Variants in VPS41 observed in about 807,000 individuals in gnomAD.
VPS41 encodes vacuolar protein sorting-associated protein 41 homolog.
VPS41 carries 85 observed loss-of-function variants against 130.9 expected under a neutral mutation model. The observed-to-expected ratio is 0.65, with a 90% CI of 0.55 to 0.78. The LOEUF (loss-of-function observed/expected upper bound fraction) is 0.78. Among genes scored for constraint, VPS41 ranks in the 30% least tolerant of loss-of-function variants. The pLI is 0.00. For missense variants in VPS41, 874 were observed against 1,018.7 expected (o/e 0.86, Z 1.93); for synonymous variants, 335 against 332.9 (o/e 1.01, Z -0.07).
intron 17 of VPS41, among the ~76,000 whole-genome samples, chr7:38,760,235 T>A (rs1783883744): frequency 6.6e-6 from 1 of 152,192 alleles, no homozygotes; most frequent in Non-Finnish European, 1.5e-5. Context: ...AACATGTTCA[T>A]AAGACAGTAA....
At chr7:38,845,079 G>A (rs1785695144) in intron 4 of VPS41, among the ~76,000 whole-genome samples, 2 of 152,258 alleles carry the variant, frequency 1.3e-5, no homozygotes, top group Non-Finnish European at 2.9e-5. Flanking sequence ...CTCCTAAGAG[G>A]CTGGCATACT....
At chr7:38,760,079 G>C (rs1423299931) in intron 17 of VPS41, among the ~76,000 whole-genome samples, 1 of 152,080 alleles carries the variant, frequency 6.6e-6, no homozygotes, top group Non-Finnish European at 1.5e-5. Context: ...TCCCCGATTT[G>C]ATCCTGTTTC....
intron 1 of VPS41, among the ~76,000 whole-genome samples, chr7:38,900,553 A>C (rs1361161387): frequency 6.6e-6 from 1 of 152,178 alleles, no homozygotes; most frequent in Non-Finnish European, 1.5e-5. Context: ...AAAAAGAAAA[A>C]ACAGAAGTCT....
chr7:38,836,852 A>G (rs372367940), intron 4 of VPS41, among the ~76,000 whole-genome samples: 2 of 152,222 alleles, frequency 1.3e-5, no homozygotes, highest in Non-Finnish European at 2.9e-5. Context: ...TACACTGCTG[A>G]TAATTCAAAT....
At chr7:38,814,370 GGCCGGGC>G in intron 7 of VPS41, among the ~76,000 whole-genome samples, 1 of 152,198 alleles carries the variant, frequency 6.6e-6, no homozygotes, top group Non-Finnish European at 1.5e-5. Context: ...AAAGAACACA[GGCCGGGC>G]GTGGTGGCTC....
intron 1 of VPS41, among the ~76,000 whole-genome samples, chr7:38,908,568 T>C (rs1435880039): frequency 6.6e-6 from 1 of 152,154 alleles, no homozygotes; most frequent in Non-Finnish European, 1.5e-5. Context: ...GGCCTTATTA[T>C]TACCCCCATC....
intron 10 of VPS41, among the ~76,000 whole-genome samples, chr7:38,783,033 G>A (rs554639318): frequency 5.3e-5 from 8 of 151,722 alleles, no homozygotes; most frequent in South Asian, 2.1e-4. Context: ...CAGGAGAATC[G>A]CTTGAACCCG....
At chr7:38,868,095 T>G (rs6943746) in intron 3 of VPS41, among the ~76,000 whole-genome samples, 42,775 of 151,980 alleles carry the variant, frequency 0.28, 6,943 homozygotes, top group Non-Finnish European at 0.38. Context: ...GCTGACACCA[T>G]CCAAAGTGTG....
chr7:38,789,867 C>A lies in VPS41; in HGVS notation c.718G>T (p.Val240Leu). ...GCATGCCGTTCCTTCACTGAGCACA[C>A]CTGGAAAATAAGTTCGCAGGTTATT... is the stretch of plus-strand genomic sequence containing the variant. Reference protein sequence around the residue: ...LIIGWGTSVKVCSVKERHASE... With the variant: ...LIIGWGTSVKLCSVKERHASE... Residue 240 changes from valine to leucine, a missense_variant and splice_region_variant, in exon 10 of 29, where the codon GTG becomes TTG. Coordinates refer to ENST00000310301, the MANE Select transcript of VPS41 (RefSeq NM_014396.4). 1 of 1,613,594 alleles carries A rather than the reference C, an allele frequency of 6.2e-7. No homozygotes were observed. The highest frequency in any genetic ancestry group is 8.5e-7 in the Non-Finnish European group (1 of 1,179,662).
chr7:38,872,355 A>G (rs776045878), intron 2 of VPS41, among the ~76,000 whole-genome samples: 2 of 152,210 alleles, frequency 1.3e-5, no homozygotes, highest in Non-Finnish European at 2.9e-5. Context: ...TGTCATTTCT[A>G]CAATATCCTT....
intron 8 of VPS41, chr7:38,796,510 G>A (rs769686391): frequency 6.8e-5 from 43 of 631,640 alleles, no homozygotes; most frequent in South Asian, 6.0e-4. Context: ...TACTCTCCAT[G>A]CCTCAGGTTT....
intron 7 of VPS41, among the ~76,000 whole-genome samples, chr7:38,816,732 T>C (rs764700512): frequency 3.9e-5 from 6 of 152,164 alleles, no homozygotes; most frequent in Non-Finnish European, 8.8e-5. Context: ...ATATGAAAGT[T>C]TTTCTCTCTT....
At chr7:38,763,994 T>A (rs1026950667) in intron 16 of VPS41, among the ~76,000 whole-genome samples, 3 of 152,206 alleles carry the variant, frequency 2.0e-5, no homozygotes, top group African/African-American at 7.2e-5. Flanking sequence ...TCTTCAGATA[T>A]TTTCAGTACT....
chr7:38,772,665 T>C (rs747807334), intron 12 of VPS41, 28 bp from the exon 13 acceptor site: 8 of 1,521,286 alleles, frequency 5.3e-6, no homozygotes, highest in Non-Finnish European at 7.3e-6. Flanking sequence ...GAGGAACGAC[T>C]TGGTGACTGA....
intron 2 of VPS41, among the ~76,000 whole-genome samples, chr7:38,871,111 T>C (rs1010837700): frequency 6.6e-6 from 1 of 152,038 alleles, no homozygotes; most frequent in Non-Finnish European, 1.5e-5. Context: ...TTTAAAGAGA[T>C]AACAACAGAA....
intron 7 of VPS41, among the ~76,000 whole-genome samples, chr7:38,798,406 C>T (rs1784661134): frequency 6.6e-6 from 1 of 152,188 alleles, no homozygotes; most frequent in Non-Finnish European, 1.5e-5. Context: ...GATTCTCCTG[C>T]TTCAGCCTCC....
intron 16 of VPS41, among the ~76,000 whole-genome samples, chr7:38,764,224 G>A (rs1376195179): frequency 6.6e-6 from 1 of 152,196 alleles, no homozygotes; most frequent in African/African-American, 2.4e-5. Flanking sequence ...CAGCAGAGGA[G>A]AACCATGCCC....
chr7:38,826,342 C>A (rs561472835), intron 5 of VPS41, among the ~76,000 whole-genome samples: 3 of 152,152 alleles, frequency 2.0e-5, no homozygotes, highest in Non-Finnish European at 4.4e-5. Flanking sequence ...AAAAACATAG[C>A]CAAGGTCTAT....
At chr7:38,872,625 GCA>G (rs1274569665) in intron 2 of VPS41, among the ~76,000 whole-genome samples, 3 of 152,162 alleles carry the variant, frequency 2.0e-5, no homozygotes, top group Admixed American at 2.0e-4. Context: ...GGAAGTATAT[GCA>G]CAGTTATCCA....
Sources: gnomAD v4.1 joint callset for allele counts (sites outside exome capture counted in the v4.1 genomes callset) on GRCh38, gnomAD v4.1.1 for gene constraint, MANE v1.5 for transcripts, NCBI Gene and HGNC (gene_info 2026-07-23, HGNC 2026-07-21) for gene names.